The following NME1 variants were observed in gnomAD, a reference collection of about 807,000 sequenced individuals.
NME1 encodes nucleoside diphosphate kinase A.
NME1 carries 9 observed loss-of-function variants against 17.2 expected under a neutral mutation model. The ratio of observed to expected loss-of-function variants is 0.52; its 90% CI spans 0.32 to 0.92. The LOEUF is 0.92. Among genes scored for constraint, NME1 ranks in the 40% least tolerant of loss-of-function variants. The pLI is 0.04. For missense variants in NME1, 169 were observed against 201.7 expected (o/e 0.84, Z 0.98); for synonymous variants, 72 against 70.8 (o/e 1.02, Z -0.09).
At chr17:51,157,700 G>A (rs2049807106) in intron 2 of NME1, among the ~76,000 whole-genome samples, 1 of 152,156 alleles carries the variant, frequency 6.6e-6, no homozygotes, top group Non-Finnish European at 1.5e-5. Context: ...TTAGTGATGA[G>A]CAACCTAAGG....
chr17:51,160,113 T>G, intron 3 of NME1, 32 bp downstream of exon 3: 1 of 1,609,724 alleles, frequency 6.2e-7, no homozygotes, highest in East Asian at 2.2e-5. Flanking sequence ...ACTCCAAGTA[T>G]GCATTGCTTG....
At chr17:51,160,278 AT>A in intron 3 of NME1, 197 bp downstream of exon 3, 1 of 702,042 alleles carries the variant, frequency 1.4e-6, no homozygotes, top group Non-Finnish European at 2.5e-6. Flanking sequence ...ATCACTTTAG[AT>A]TGGGTGATCA....
chr17:51,154,433 C>T lies in NME1; in HGVS notation c.-5+771C>T, dbSNP rs1409843759. ...AAGGCGAGGGGCCTCCTATCTCAAG[C>T]TGTGATACAGGGTAGGTCATGAGCG... On this transcript the variant is annotated intron_variant, in intron 1 of 4. Transcript: ENST00000393196. The T allele has an allele frequency of 5.0e-6, 8 of 1,613,734 alleles. No homozygotes were observed. The Admixed American group carries it at 1.3e-4, about 27-fold the overall frequency.
chr17:51,155,267 G>A (rs1467138691), intron 1 of NME1, among the ~76,000 whole-genome samples: 3 of 150,796 alleles, frequency 2.0e-5, no homozygotes, highest in Admixed American at 6.6e-5. Context: ...AATCAAATGG[G>A]GCTGGGTGTG....
In NME1 at chr17:51,161,821, T is replaced by C; in HGVS notation, c.435T>C (p.Cys145=). The C allele has an allele frequency of 6.2e-7, 1 of 1,612,946 alleles. No homozygotes were observed. Among genetic ancestry groups the C allele is most frequent in the Non-Finnish European group, 8.5e-7 (1 of 1,178,944 alleles). Reference sequence around the variant, plus strand: ...AGGAACTGGTAGATTACACGAGCTGTGCTCAGAACTGGATCTATGAATGAC... The same window carrying C: ...AGGAACTGGTAGATTACACGAGCTGCGCTCAGAACTGGATCTATGAATGAC... The part of the protein sequence containing the change: ...HPEELVDYTS[C]AQNWIYE Residue 145 remains cysteine, a synonymous_variant, in exon 5 of 5, where the codon TGT becomes TGC. Coordinates refer to ENST00000393196, the MANE Select transcript of NME1 (RefSeq NM_000269.3).
At chr17:51,159,075 G>A (rs906962420) in intron 2 of NME1, among the ~76,000 whole-genome samples, 4 of 152,148 alleles carry the variant, frequency 2.6e-5, no homozygotes, top group Non-Finnish European at 4.4e-5. Flanking sequence ...GCCAAGACTT[G>A]CTTCCTGGTG....
At position 51,161,292 on chromosome 17, in the gene NME1, C is replaced by T. The variant is rs778620495; in HGVS notation, c.341+20C>T. 12 of 1,580,438 alleles carry T rather than the reference C, an allele frequency of 7.6e-6. No homozygotes were observed. In the Middle Eastern group the frequency reaches 5.0e-4, roughly 66 times the overall value. On this transcript the variant is annotated intron_variant, in intron 4 of 4. Transcript: ENST00000393196. ...TGGCAGGTGAGATTTTGGTATTTTTCCCCCTTTTCCAAAATCTGATTTAGT... is the reference window on the plus strand; with the variant it reads ...TGGCAGGTGAGATTTTGGTATTTTTTCCCCTTTTCCAAAATCTGATTTAGT...
At position 51,162,135 on chromosome 17, in the gene NME1, T is replaced by A; in HGVS notation, c.*290T>A. The A allele has an allele frequency of 3.2e-6, 1 of 311,114 alleles. No homozygotes were observed. The highest frequency in any genetic ancestry group is 1.1e-3 in the Middle Eastern group (1 of 874). The allele number at this position is 311,114 out of a possible 1,614,324, so 19.3% of individuals were successfully genotyped here. The stretch of plus-strand genomic sequence containing the variant: ...CTGACCTAATAGAGAGTGTAAATAC[T>A]ATAAAAATGATTTATTTTGAGGTCT... On this transcript the variant is annotated 3_prime_UTR_variant, in exon 5 of 5. Coordinates refer to ENST00000393196, the MANE Select transcript of NME1 (RefSeq NM_000269.3).
intron 4 of NME1, 114 bp from the exon 5 acceptor site, chr17:51,161,614 G>T (rs1246284931): frequency 6.8e-6 from 6 of 877,688 alleles, no homozygotes; most frequent in Middle Eastern, 4.7e-4. Flanking sequence ...TTTTAACATG[G>T]TCTAATGTCC....
At chr17:51,158,874 A>T (rs1031424867) in intron 2 of NME1, among the ~76,000 whole-genome samples, 2 of 152,228 alleles carry the variant, frequency 1.3e-5, no homozygotes, top group Non-Finnish European at 1.5e-5. Flanking sequence ...GTTCCCACAT[A>T]TTAGCCTTGC....
chr17:51,161,509 G>C (rs2049864018), intron 4 of NME1: 1 of 663,678 alleles, frequency 1.5e-6, no homozygotes, highest in Non-Finnish European at 2.6e-6. Flanking sequence ...AGTCTTTCCT[G>C]AAGGCTCTCA....
At chr17:51,157,632 T>C (rs1453868485) in intron 2 of NME1, among the ~76,000 whole-genome samples, 3 of 152,176 alleles carry the variant, frequency 2.0e-5, no homozygotes, top group Non-Finnish European at 4.4e-5. Context: ...GCACATATGT[T>C]TTCTGATTTA....
chr17:51,155,568 T>G lies in NME1; in HGVS notation c.-4-83T>G. On this transcript the variant is annotated intron_variant, in intron 1 of 4. Transcript: ENST00000393196. ...CTGACCTGACAGATTTAAACCAGCT[T>G]TATGGGATAATCCGCTTGAGACGGA... 8 of 1,587,132 alleles carry G rather than the reference T, an allele frequency of 5.0e-6. No homozygotes were observed. The South Asian group carries it at 5.6e-5, about 11-fold the overall frequency.
chr17:51,161,624 C>A, intron 4 of NME1, 104 bp from the exon 5 acceptor site: 1 of 905,652 alleles, frequency 1.1e-6, no homozygotes, highest in Non-Finnish European at 1.9e-6. Context: ...GTCTAATGTC[C>A]ATGGAGCTTC....
In NME1 at chr17:51,162,034, C is replaced by A; in HGVS notation, c.*189C>A. 1 of 575,264 alleles carries A rather than the reference C, an allele frequency of 1.7e-6. No homozygotes were observed. Among genetic ancestry groups the A allele is most frequent in the Admixed American group, 3.0e-5 (1 of 33,198 alleles). The allele number at this position is 575,264 out of a possible 1,614,324, so 35.6% of individuals were successfully genotyped here. A position where few individuals can be genotyped will look rare whatever the true frequency, so the allele number is the denominator to read the frequency against. On this transcript the variant is annotated 3_prime_UTR_variant, in exon 5 of 5. Coordinates refer to ENST00000393196, the MANE Select transcript of NME1 (RefSeq NM_000269.3). ...ATCTGATTAAAATGCTTCCTCCCAG[C>A]ATAGGATTCATTGAGTTGGTTACTT... is the stretch of plus-strand genomic sequence containing the variant.
At chr17:51,155,948 G>A (rs1377345565) in intron 2 of NME1, 168 bp downstream of exon 2, 1 of 1,033,654 alleles carries the variant, frequency 9.7e-7, no homozygotes, top group Non-Finnish European at 1.4e-6. Context: ...GCTACATCTT[G>A]GAACAAACCA....
chr17:51,161,963 T>A lies in NME1; in HGVS notation c.*118T>A. 1.3e-6 allele frequency: 1 copy of A among 759,334 alleles called. No individual in the cohort carries two copies. The highest frequency in any genetic ancestry group is 2.3e-6 in the Non-Finnish European group (1 of 427,934). The allele number at this position is 759,334 out of a possible 1,614,324, so 47.0% of individuals were successfully genotyped here. ...ACTTCATCATAATTTGGAGGGAAGC[T>A]CTTGGAGCTGTGAGTTCTCCCTGTA... On this transcript the variant is annotated 3_prime_UTR_variant, in exon 5 of 5. Transcript: ENST00000393196.
At chr17:51,159,222 G>A (rs993760885) in intron 2 of NME1, among the ~76,000 whole-genome samples, 2 of 152,222 alleles carry the variant, frequency 1.3e-5, no homozygotes, top group East Asian at 1.9e-4. Context: ...GGGAGGCGGA[G>A]GCTGGAGGAT....
chr17:51,161,324 A>G lies in NME1; in HGVS notation c.341+52A>G. On this transcript the variant is annotated intron_variant, in intron 4 of 4. Transcript: ENST00000393196. ...TTCCAAAATCTGATTTAGTTGCCAC[A>G]AGGATTTGGGTTTCCGAGGCTGGAG... is the stretch of plus-strand genomic sequence containing the variant. The G allele has an allele frequency of 2.6e-6, 4 of 1,529,442 alleles. No homozygotes were observed. In the African/African-American group the frequency reaches 5.5e-5, roughly 21 times the overall value. The allele number at this position is 1,529,442 out of a possible 1,614,324, so 94.7% of individuals were successfully genotyped here.
Sources: gnomAD v4.1 joint callset for allele counts (sites outside exome capture counted in the v4.1 genomes callset) on GRCh38, gnomAD v4.1.1 for gene constraint, MANE v1.5 for transcripts, NCBI Gene and HGNC (gene_info 2026-07-23, HGNC 2026-07-21) for gene names.